RAD9B: variants seen among roughly 807,000 people sequenced by gnomAD.
RAD9B encodes the protein cell cycle checkpoint control protein RAD9B.
Under a neutral mutation model 48.3 loss-of-function variants are expected in RAD9B, and 41 were observed. The observed-to-expected ratio is 0.85, with a 90% CI of 0.66 to 1.10. The LOEUF (loss-of-function observed/expected upper bound fraction) is 1.10. RAD9B is among the 50% of genes least tolerant of loss of function. The probability of loss-of-function intolerance (pLI) is 0.00; values close to 1 mark genes in which losing one functional copy is unlikely to be tolerated. For synonymous variants in RAD9B, 160 were observed against 157.9 expected (o/e 1.01, Z -0.10); for missense variants, 444 against 485.1 (o/e 0.92, Z 0.80).
intron 1 of RAD9B, chr12:110,503,112 G>C (rs12320866): frequency 6.6e-6 from 1 of 152,452 alleles, no homozygotes; most frequent in Non-Finnish European, 1.5e-5. Context: ...GGGCTTAGTG[G>C]TGGGCGCCTG....
At chr12:110,511,333 G>T (rs1265156752) in intron 4 of RAD9B, 1 of 225,794 alleles carries the variant, frequency 4.4e-6, no homozygotes, top group Admixed American at 4.6e-5. Context: ...CAAGCTAAGT[G>T]TCTATTAGTG....
chr12:110,529,310 A>AT (rs2064050078), intron 10 of RAD9B, among the ~76,000 whole-genome samples: 1 of 151,050 alleles, frequency 6.6e-6, no homozygotes, highest in Non-Finnish European at 1.5e-5. Flanking sequence ...TGCCCAGCTA[A>AT]TTTTTTGTAT....
intron 1 of RAD9B, 113 bp from the exon 2 acceptor site, chr12:110,503,693 A>G: frequency 1.3e-6 from 1 of 748,932 alleles, no homozygotes; most frequent in Non-Finnish European, 2.3e-6. Flanking sequence ...AGTCTGTAAG[A>G]TACTGTTATT....
chr12:110,517,047 G>A (rs2063619982), intron 6 of RAD9B, among the ~76,000 whole-genome samples: 1 of 151,870 alleles, frequency 6.6e-6, no homozygotes, highest in African/African-American at 2.4e-5. Flanking sequence ...ACTATTAAAA[G>A]TAACATTGGC....
rs527780986 is a variant in RAD9B, at chr12:110,532,294, T to C, written c.*1641T>C. 1.3e-5 allele frequency among the ~76,000 whole-genome samples: 2 copies of C among 152,248 alleles called. No individual in the cohort carries two copies. Among genetic ancestry groups the C allele is most frequent in the Non-Finnish European group, 2.9e-5 (2 of 68,042 alleles). ...GAGCTTTTATACACAAAAGTAACTC[T>C]GTAGGTCTCTTTGCTGAGGATAACA... On this transcript the variant is annotated 3_prime_UTR_variant, in exon 11 of 11. Transcript: ENST00000409300.
chr12:110,509,444 A>C (rs936594968), intron 4 of RAD9B, among the ~76,000 whole-genome samples: 4 of 151,894 alleles, frequency 2.6e-5, no homozygotes, highest in Non-Finnish European at 5.9e-5. Context: ...CTAATTTTTA[A>C]AAAAATTTTA....
At chr12:110,520,644 T>TG (rs1565895628) in intron 9 of RAD9B, among the ~76,000 whole-genome samples, 28 of 145,894 alleles carry the variant, frequency 1.9e-4, no homozygotes, top group East Asian at 3.9e-4. Flanking sequence ...TTTTTTTTTT[T>TG]TTGTTGTTTT....
chr12:110,522,232 T>C lies in RAD9B; in HGVS notation c.946T>C (p.Cys316Arg), dbSNP rs762298925. The change falls in exon 10 of 11, where the codon TGT becomes CGT. Residue 316 changes from cysteine to arginine, a missense_variant. Coordinates refer to ENST00000409300, the MANE Select transcript of RAD9B (RefSeq NM_001286535.2). ...GKNVTGQALE[C>R]ISKKAAPRRL... ...AAATGTAACTGGCCAGGCCCTGGAA[T>C]GTATTTCAAAAAAAGCAGCACCAAG... 1 of 1,608,658 alleles carries C rather than the reference T, an allele frequency of 6.2e-7. No homozygotes were observed. The highest frequency in any genetic ancestry group is 8.5e-7 in the Non-Finnish European group (1 of 1,177,552).
Position 110,522,326 on chromosome 12 carries a change from A to C in RAD9B, c.1040A>C (p.Lys347Thr). Residue 347 changes from lysine (K) to threonine (T), a missense_variant, in exon 10 of 11, where the codon AAA becomes ACA. Physicochemically the swap from Lys to Thr is moderately conservative, Grantham distance 78 (BLOSUM62 -1). Transcript: ENST00000409300. ...ALENCGSPAM[K>T]RVDGDVSEVS... ...GAAAACTGTGGCAGCCCTGCAATGA[A>C]AAGAGTGGATGGAGATGTCAGTGAA... 1 of 1,613,800 alleles carries C rather than the reference A, an allele frequency of 6.2e-7. No individual in the cohort carries two copies.
chr12:110,513,736 A>T lies in RAD9B; in HGVS notation c.488+858A>T, dbSNP rs866566093. Among the ~76,000 whole-genome samples, 38 of 113,736 alleles carry T rather than the reference A, an allele frequency of 3.3e-4. No homozygotes were observed. The South Asian group carries it at 6.0e-3, about 18-fold the overall frequency. 74.6% of individuals were successfully genotyped at this position (113,736 alleles called of 152,430 possible). ...TATTATTATTATTATTATTATTATT[A>T]TTTTTGAGACAGAGTCTCCCTCTGT... On this transcript the variant is annotated intron_variant, in intron 5 of 10. Coordinates refer to ENST00000409300, the MANE Select transcript of RAD9B (RefSeq NM_001286535.2).
intron 4 of RAD9B, among the ~76,000 whole-genome samples, chr12:110,507,450 AAC>A (rs1305682759): frequency 7.2e-6 from 1 of 138,742 alleles, no homozygotes; most frequent in East Asian, 2.0e-4. Context: ...TATAATATAT[AAC>A]ACGTATTAAG....
At chr12:110,513,739 T>A (rs948225481) in intron 5 of RAD9B, among the ~76,000 whole-genome samples, 2 of 142,882 alleles carry the variant, frequency 1.4e-5, no homozygotes, top group African/African-American at 5.2e-5. Flanking sequence ...TATTATTATT[T>A]TTGAGACAGA....
Position 110,505,731 on chromosome 12 carries a change from C to G in RAD9B, c.232C>G (p.Leu78Val). 1 of 1,611,666 alleles carries G rather than the reference C, an allele frequency of 6.2e-7. No homozygotes were observed. The highest frequency in any genetic ancestry group is 1.1e-5 in the South Asian group (1 of 90,458). Reference protein sequence around the residue: ...SALVKMSENELDTTLHLKCKL... With the variant: ...SALVKMSENEVDTTLHLKCKL... ...TTTAGTGAAAATGAGTGAAAATGAA[C>G]TTGACACAACACTGCATTTAAAATG... Residue 78 changes from leucine to valine, a missense_variant, in exon 3 of 11, where the codon CTT (leucine) becomes GTT (valine). Physicochemically the swap from Leu to Val is conservative, Grantham distance 32. Transcript: ENST00000409300.
At chr12:110,502,770 T>C (rs1448319056) in intron 1 of RAD9B, 4 of 168,650 alleles carry the variant, frequency 2.4e-5, no homozygotes, top group Non-Finnish European at 5.1e-5. Flanking sequence ...TTTTTAAAAA[T>C]GTATGAACTT....
chr12:110,520,384 T>C (rs1262071682), intron 9 of RAD9B, among the ~76,000 whole-genome samples: 1 of 150,732 alleles, frequency 6.6e-6, no homozygotes. Flanking sequence ...ATTTTTTGTA[T>C]TTTTTTTTGT....
At chr12:110,509,397 G>A (rs771499673) in intron 4 of RAD9B, among the ~76,000 whole-genome samples, 3 of 151,614 alleles carry the variant, frequency 2.0e-5, no homozygotes, top group African/African-American at 4.8e-5. Context: ...GAGCAACCAC[G>A]CCCACCACAC....
At chr12:110,508,642 T>G (rs1403216029) in intron 4 of RAD9B, among the ~76,000 whole-genome samples, 2 of 152,218 alleles carry the variant, frequency 1.3e-5, no homozygotes, top group Non-Finnish European at 2.9e-5. Flanking sequence ...TCTTAATTTT[T>G]GTAGAGTCAG....
chr12:110,521,342 C>T (rs532448055), intron 9 of RAD9B, among the ~76,000 whole-genome samples: 9 of 151,374 alleles, frequency 5.9e-5, no homozygotes, highest in East Asian at 3.9e-4. Flanking sequence ...TTGTAGAGAT[C>T]GGGTTTTACC....
chr12:110,507,126 C>T (rs1484811581), intron 4 of RAD9B, among the ~76,000 whole-genome samples: 1 of 151,886 alleles, frequency 6.6e-6, no homozygotes, highest in Non-Finnish European at 1.5e-5. Flanking sequence ...TGAGCCACTG[C>T]ACCTGGCCTG....
Sources: allele counts gnomAD v4.1 joint callset (sites outside exome capture counted in the v4.1 genomes callset), GRCh38; gene constraint gnomAD v4.1.1; transcripts MANE v1.5; gene names NCBI Gene and HGNC (gene_info 2026-07-23, HGNC 2026-07-21).